STK32C: variants seen among roughly 807,000 people sequenced by gnomAD.
The protein encoded by STK32C is serine/threonine kinase 32C, also known as serine/threonine-protein kinase 32C.
Under a neutral mutation model 56.5 loss-of-function variants are expected in STK32C, and 31 were observed. The ratio of observed to expected loss-of-function variants is 0.55; its 90% confidence interval spans 0.41 to 0.74. The LOEUF is 0.74. STK32C is among the 30% of genes least tolerant of loss of function. STK32C has a pLI of 0.00. For synonymous variants in STK32C, 309 were observed against 289.4 expected (o/e 1.07, Z -0.69); for missense variants, 544 against 676.9 (o/e 0.80, Z 2.18).
At chr10:132,308,379 T>C (rs1251824524), upstream of STK32C, among the ~76,000 whole-genome samples, 1 of 152,124 alleles carries the variant, frequency 6.6e-6, no homozygotes, top group East Asian at 1.9e-4. Flanking sequence ...CTCCCTCCCC[T>C]GCCTTCTTCG....
intron 1 of STK32C, among the ~76,000 whole-genome samples, chr10:132,290,184 T>C (rs949622876): frequency 6.6e-6 from 1 of 152,166 alleles, no homozygotes; most frequent in Non-Finnish European, 1.5e-5. Context: ...AGAGCAGGGC[T>C]GGGCCATGCC....
intron 1 of STK32C, among the ~76,000 whole-genome samples, chr10:132,318,748 TA>T (rs1430817858): frequency 6.6e-6 from 1 of 152,216 alleles, no homozygotes; most frequent in Admixed American, 6.5e-5. Flanking sequence ...ATAAAATTTT[TA>T]AAATTGCTTT....
At chr10:132,315,074 CG>C (rs2066288528) in intron 1 of STK32C, among the ~76,000 whole-genome samples, 1 of 152,060 alleles carries the variant, frequency 6.6e-6, no homozygotes, top group South Asian at 2.1e-4. Flanking sequence ...GCGGAAGTTG[CG>C]GTGAGCAGAG....
At chr10:132,318,150 C>T (rs1381474371) in intron 1 of STK32C, among the ~76,000 whole-genome samples, 1 of 151,840 alleles carries the variant, frequency 6.6e-6, no homozygotes, top group African/African-American at 2.4e-5. Context: ...CGCCTGTAGT[C>T]CCAGCTACTT....
At chr10:132,218,526 T>A (rs1404254157) in intron 10 of STK32C, among the ~76,000 whole-genome samples, 2 of 152,056 alleles carry the variant, frequency 1.3e-5, no homozygotes, top group Non-Finnish European at 2.9e-5. Context: ...CTATGATTTT[T>A]TAAAAAATAA....
chr10:132,271,731 C>T (rs1467720923), intron 1 of STK32C, among the ~76,000 whole-genome samples: 1 of 152,232 alleles, frequency 6.6e-6, no homozygotes, highest in Non-Finnish European at 1.5e-5. Context: ...TCACCCGTTC[C>T]TGACCCCAGA....
chr10:132,269,709 C>T lies in STK32C; in HGVS notation c.263-23754G>A, dbSNP rs575356220. 4.6e-5 allele frequency among the ~76,000 whole-genome samples: 7 copies of T among 152,372 alleles called. No individual in the cohort carries two copies. The South Asian group carries it at 6.2e-4, about 14-fold the overall frequency. ...CTGGGAGCATTCCAGACCCTTGCCT[C>T]GCCTTGCAAAAGGTGGAGGTGGGCC... is the stretch of plus-strand genomic sequence containing the variant. On this transcript the variant is annotated intron_variant, in intron 1 of 11. Transcript: ENST00000298630.
At chr10:132,280,848 C>T (rs994359534) in intron 1 of STK32C, among the ~76,000 whole-genome samples, 2 of 142,904 alleles carry the variant, frequency 1.4e-5, no homozygotes, top group Non-Finnish European at 3.0e-5. Context: ...ACTCCGTGAT[C>T]ACACTGAGGC....
At chr10:132,244,053 A>G (rs1590238557) in intron 2 of STK32C, among the ~76,000 whole-genome samples, 1 of 152,288 alleles carries the variant, frequency 6.6e-6, no homozygotes, top group East Asian at 1.9e-4. Flanking sequence ...CACCCTTCTC[A>G]GCCCTCATCC....
chr10:132,256,708 C>T (rs2064136870), intron 1 of STK32C, among the ~76,000 whole-genome samples: 1 of 152,174 alleles, frequency 6.6e-6, no homozygotes, highest in Non-Finnish European at 1.5e-5. Flanking sequence ...CTGCCTCTCA[C>T]TGCGCAGGGC....
upstream of STK32C, among the ~76,000 whole-genome samples, chr10:132,312,059 T>G (rs1006012304): frequency 6.6e-6 from 1 of 152,074 alleles, no homozygotes; most frequent in African/African-American, 2.4e-5. Flanking sequence ...CAGACTGGAG[T>G]GCAGTGGTGC....
intron 1 of STK32C, among the ~76,000 whole-genome samples, chr10:132,325,263 A>T (rs1686257549): frequency 6.6e-6 from 1 of 152,042 alleles, no homozygotes; most frequent in Non-Finnish European, 1.5e-5. Flanking sequence ...TAGAAAGAGG[A>T]GTTCCCCGGC....
Position 132,207,876 on chromosome 10 carries a change from T to C in STK32C, c.*134A>G, listed in dbSNP as rs906096099. The C allele has an allele frequency of 6.7e-5, 71 of 1,066,386 alleles. No homozygotes were observed. Among genetic ancestry groups the C allele is most frequent in the Non-Finnish European group, 7.7e-5 (64 of 834,210 alleles). The allele number at this position is 1,066,386 out of a possible 1,614,324, so 66.1% of individuals were successfully genotyped here. ...ACCACCACGAGCCTGAGGTGTGAAATGTGTCCGGGGCACTGTGGGCACCGC... is the reference window on the plus strand; with the variant it reads ...ACCACCACGAGCCTGAGGTGTGAAACGTGTCCGGGGCACTGTGGGCACCGC... On this transcript the variant is annotated 3_prime_UTR_variant, in exon 12 of 12. Coordinates refer to ENST00000298630, the MANE Select transcript of STK32C (RefSeq NM_173575.4).
intron 2 of STK32C, among the ~76,000 whole-genome samples, chr10:132,235,156 T>A (rs1215410058): frequency 2.0e-5 from 3 of 152,180 alleles, no homozygotes; most frequent in African/African-American, 7.2e-5. Context: ...GTGAGCTGTA[T>A]GAGTGGTGTG....
At chr10:132,324,674 T>TC (rs1469213856) in intron 1 of STK32C, among the ~76,000 whole-genome samples, 5 of 152,234 alleles carry the variant, frequency 3.3e-5, no homozygotes, top group African/African-American at 1.2e-4. Context: ...AGAGTCAAGC[T>TC]CTGTCAAATA....
At chr10:132,246,144 A>G (rs1399842319) in intron 1 of STK32C, among the ~76,000 whole-genome samples, 189 bp from the exon 2 acceptor site, 1 of 152,224 alleles carries the variant, frequency 6.6e-6, no homozygotes, top group East Asian at 1.9e-4. Flanking sequence ...CGGTCAGTGA[A>G]GACATGGGCC....
intron 1 of STK32C, among the ~76,000 whole-genome samples, chr10:132,299,569 G>A (rs778893842): frequency 1.4e-4 from 22 of 152,248 alleles, no homozygotes; most frequent in African/African-American, 1.9e-4. Context: ...TCTCTGAGCC[G>A]CTCTGGCCGA....
Position 132,254,448 on chromosome 10 carries a change from A to G in STK32C, c.263-8493T>C, listed in dbSNP as rs375804739. Among the ~76,000 whole-genome samples, 1,063 of 151,860 alleles carry G rather than the reference A, an allele frequency of 7.0e-3. 27 individuals carry two copies. In the South Asian group the frequency reaches 0.084, roughly 12 times the overall value. On this transcript the variant is annotated intron_variant, in intron 1 of 11. Coordinates refer to ENST00000298630, the MANE Select transcript of STK32C (RefSeq NM_173575.4). ...AGCCTGCCGCAGGGCGCCGGGAATC[A>G]GCACTATGTCACCCCGGCACAATGC...
intron 1 of STK32C, chr10:132,330,155 C>T (rs764373125): frequency 1.6e-5 from 6 of 378,114 alleles, no homozygotes; most frequent in Non-Finnish European, 3.0e-5. Context: ...TCTGGCTGGG[C>T]AAAAACTGAG....
Sources: gnomAD v4.1 joint callset for allele counts (sites outside exome capture counted in the v4.1 genomes callset) on GRCh38, gnomAD v4.1.1 for gene constraint, MANE v1.5 for transcripts, NCBI Gene and HGNC (gene_info 2026-07-23, HGNC 2026-07-21) for gene names.